The following FER variants were observed in gnomAD, a reference collection of about 807,000 sequenced individuals.
FER encodes the protein FER tyrosine kinase.
Under a neutral mutation model 111.0 loss-of-function variants are expected in FER, and 63 were observed. The observed-to-expected ratio is 0.57, with a 90% confidence interval of 0.46 to 0.70. The LOEUF (loss-of-function observed/expected upper bound fraction) is 0.70. Among genes scored for constraint, FER ranks in the 30% least tolerant of loss-of-function variants. FER has a pLI of 0.00. For missense variants in FER, 914 were observed against 954.0 expected, an observed-to-expected ratio of 0.96 and a Z score of 0.55; for synonymous variants, 327 against 313.9, an observed-to-expected ratio of 1.04 and a Z score of -0.44.
At chr5:109,094,431 T>A (rs983841797) in intron 16 of FER, among the ~76,000 whole-genome samples, 2 of 152,144 alleles carry the variant, frequency 1.3e-5, no homozygotes, top group Non-Finnish European at 2.9e-5. Context: ...CTGGAACATT[T>A]CAGATTTTCA....
intron 1 of FER, among the ~76,000 whole-genome samples, chr5:108,756,489 G>A (rs1751125608): frequency 6.6e-6 from 1 of 151,920 alleles, no homozygotes; most frequent in Non-Finnish European, 1.5e-5. Context: ...ATTACTTTGT[G>A]ATGCCTGTTT....
At chr5:108,847,134 G>T (rs975365777) in intron 5 of FER, among the ~76,000 whole-genome samples, 1 of 149,684 alleles carries the variant, frequency 6.7e-6, no homozygotes, top group Non-Finnish European at 1.5e-5. Context: ...CAAGCATTTG[G>T]TACTCTAAAG....
chr5:109,082,469 C>A (rs562169776), intron 16 of FER, among the ~76,000 whole-genome samples: 1 of 152,124 alleles, frequency 6.6e-6, no homozygotes, highest in Non-Finnish European at 1.5e-5. Flanking sequence ...CCAGCCCAGG[C>A]CCTGACTTAT....
intron 16 of FER, among the ~76,000 whole-genome samples, chr5:109,075,522 C>A (rs1478287174): frequency 6.6e-6 from 1 of 150,514 alleles, no homozygotes; most frequent in Non-Finnish European, 1.5e-5. Flanking sequence ...CTCCCAGGTT[C>A]ACACCATTCT....
chr5:109,189,180 G>T lies in FER; in HGVS notation c.*1605G>T, dbSNP rs1759188682. On this transcript the variant is annotated 3_prime_UTR_variant, in exon 20 of 20. Transcript: ENST00000281092. ...TTCTGTATCTTAACTCTTATCTAGG[G>T]AACTTACTTACTTACCCCATGATCT... The T allele has an allele frequency of 6.9e-6, 1 of 143,904 alleles. No individual in the cohort carries two copies. Among genetic ancestry groups the T allele is most frequent in the Non-Finnish European group, 1.6e-5 (1 of 64,318 alleles). The allele number at this position is 143,904 out of a possible 1,614,324, so 8.9% of individuals were successfully genotyped here.
chr5:108,852,463 A>G (rs1394599968), intron 5 of FER, among the ~76,000 whole-genome samples: 2 of 152,168 alleles, frequency 1.3e-5, no homozygotes, highest in African/African-American at 4.8e-5. Flanking sequence ...AAGAATGGCA[A>G]CTAGCCTTCT....
chr5:109,139,903 T>A (rs1005030015), intron 17 of FER, among the ~76,000 whole-genome samples: 2 of 152,084 alleles, frequency 1.3e-5, no homozygotes, highest in African/African-American at 4.8e-5. Flanking sequence ...TAAAAAAAAA[T>A]AGAATTAAAC....
intron 13 of FER, among the ~76,000 whole-genome samples, chr5:108,966,058 A>T (rs1287101807): frequency 6.6e-6 from 1 of 152,170 alleles, no homozygotes; most frequent in Non-Finnish European, 1.5e-5. Context: ...AGTATCAAAA[A>T]AGTAATAGAC....
At chr5:108,850,596 A>G (rs1014449887) in intron 5 of FER, among the ~76,000 whole-genome samples, 13 of 152,038 alleles carry the variant, frequency 8.6e-5, no homozygotes, top group African/African-American at 3.1e-4. Flanking sequence ...TTGGAATACT[A>G]TTTGTTTTTC....
chr5:108,780,300 C>G (rs1753913565), intron 2 of FER, among the ~76,000 whole-genome samples: 1 of 151,798 alleles, frequency 6.6e-6, no homozygotes, highest in African/African-American at 2.4e-5. Context: ...AACAAATTCC[C>G]TCAATATTTA....
intron 17 of FER, among the ~76,000 whole-genome samples, chr5:109,170,140 C>T (rs1230424300): frequency 1.3e-5 from 2 of 152,064 alleles, no homozygotes; most frequent in Non-Finnish European, 2.9e-5. Context: ...ATGTATATCA[C>T]TTCATGAAAT....
chr5:108,869,348 T>C (rs1048617423), intron 6 of FER, among the ~76,000 whole-genome samples: 3 of 152,122 alleles, frequency 2.0e-5, no homozygotes, highest in Admixed American at 6.6e-5. Context: ...TTGAGTCTTC[T>C]GACTAACCCT....
chr5:108,852,020 G>A (rs1370871590), intron 5 of FER, among the ~76,000 whole-genome samples: 1 of 152,146 alleles, frequency 6.6e-6, no homozygotes, highest in Non-Finnish European at 1.5e-5. Context: ...CACAAGTGGG[G>A]AAACAAACTA....
At chr5:108,872,020 C>A in intron 7 of FER, 73 bp from the exon 8 acceptor site, 1 of 1,375,916 alleles carries the variant, frequency 7.3e-7, no homozygotes. Flanking sequence ...AAATATTCTG[C>A]CTTTAGTGTA....
At chr5:109,052,300 C>T (rs983930139) in intron 16 of FER, 163 of 1,609,036 alleles carry the variant, frequency 1.0e-4, no homozygotes, top group Admixed American at 1.7e-4. Context: ...AGTGTTACAA[C>T]GAAAGGCAGA....
chr5:109,109,199 C>T (rs1561905397), intron 17 of FER, among the ~76,000 whole-genome samples: 1 of 152,146 alleles, frequency 6.6e-6, no homozygotes, highest in Non-Finnish European at 1.5e-5. Flanking sequence ...ACCTCCCCTC[C>T]TCCCCACCTG....
At chr5:109,134,611 A>G (rs1235002766) in intron 17 of FER, among the ~76,000 whole-genome samples, 1 of 152,174 alleles carries the variant, frequency 6.6e-6, no homozygotes, top group Non-Finnish European at 1.5e-5. Flanking sequence ...GGCCACTACA[A>G]CCAGCTAGTG....
At chr5:108,856,703 A>T (rs1409865184) in intron 5 of FER, among the ~76,000 whole-genome samples, 1 of 152,142 alleles carries the variant, frequency 6.6e-6, no homozygotes, top group East Asian at 1.9e-4. Context: ...GAATGCCCTA[A>T]ATTTTCTGTA....
chr5:108,991,516 G>A (rs1183225652), intron 13 of FER, among the ~76,000 whole-genome samples: 10 of 151,966 alleles, frequency 6.6e-5, no homozygotes, highest in South Asian at 6.2e-4. Context: ...TTTTCAGATC[G>A]TATACTTTGA....
Sources: gnomAD v4.1 joint callset for allele counts (sites outside exome capture counted in the v4.1 genomes callset) on GRCh38, gnomAD v4.1.1 for gene constraint, MANE v1.5 for transcripts, NCBI Gene and HGNC (gene_info 2026-07-23, HGNC 2026-07-21) for gene names.